The following LOXL3 variants were observed in gnomAD, a reference collection of about 807,000 sequenced individuals.
LOXL3 encodes the protein lysyl oxidase homolog 3.
Under a neutral mutation model 91.8 loss-of-function variants are expected in LOXL3, and 60 were observed. That is an observed-to-expected ratio of 0.65 (90% CI 0.53 to 0.81). LOXL3 has a LOEUF of 0.81. LOXL3 is among the 30% of genes least tolerant of loss of function. The pLI is 0.00. For synonymous variants in LOXL3, 355 were observed against 387.6 expected, an observed-to-expected ratio of 0.92 and a Z score of 0.99; for missense variants, 874 against 1,000.4, an observed-to-expected ratio of 0.87 and a Z score of 1.70.
chr2:74,555,177 G>C, upstream of LOXL3: 1 of 1,613,054 alleles, frequency 6.2e-7, no homozygotes. This position sits in a 1 kb window ranked among gnomAD's most constrained non-coding sequence, Gnocchi z 6.1. Flanking sequence ...CCTGGGCCGT[G>C]CTCTACCCGG....
At chr2:74,555,518 ACCGACCCCCGCTCCCCG>A (rs1324870596), upstream of LOXL3, 11 of 1,612,716 alleles carry the variant, frequency 6.8e-6, no homozygotes, top group Non-Finnish European at 9.3e-6. This position sits in a 1 kb window ranked among gnomAD's most constrained non-coding sequence, Gnocchi z 6.1. Context: ...GCTGCCTCAG[ACCGACCCCCGCTCCCCG>A]CTGAGGAAAT....
chr2:74,549,349 C>T lies in LOXL3; in HGVS notation c.692+20G>A. ...CACCCCAATCCCGGCCTGCTCCGCC[C>T]GGCGCCCGCGGCCCCTCACCTGTAG... On this transcript the variant is annotated intron_variant, in intron 4 of 13. Transcript: ENST00000264094. This position sits in a 1 kb window ranked among gnomAD's most constrained non-coding sequence, Gnocchi z 5.3. 5 of 1,551,550 alleles carry T rather than the reference C, an allele frequency of 3.2e-6. No individual in the cohort carries two copies. Among genetic ancestry groups the T allele is most frequent in the Non-Finnish European group, 4.4e-6 (5 of 1,145,996 alleles).
chr2:74,555,274 G>C, upstream of LOXL3: 1 of 1,614,086 alleles, frequency 6.2e-7, no homozygotes, highest in Non-Finnish European at 8.5e-7. This position sits in a 1 kb window ranked among gnomAD's most constrained non-coding sequence, Gnocchi z 6.1. Context: ...GCGCCGCCTG[G>C]ACTGCAAAGT....
chr2:74,550,477 A>G, intron 2 of LOXL3, 129 bp from the exon 3 acceptor site: 1 of 1,025,090 alleles, frequency 9.8e-7, no homozygotes, highest in Non-Finnish European at 1.4e-6. Context: ...CTGGTATGAT[A>G]AGGGGTGGAG....
upstream of LOXL3, chr2:74,554,652 G>C (rs1201451706): frequency 6.0e-6 from 7 of 1,175,054 alleles, no homozygotes; most frequent in Non-Finnish European, 8.4e-6. The surrounding 1 kb of genome is among the most constrained non-coding windows in gnomAD (Gnocchi z 4.9). Context: ...GGCTGCCGGC[G>C]GGGGCCGGGG....
At chr2:74,555,668 G>A, upstream of LOXL3, 1 of 1,613,934 alleles carries the variant, frequency 6.2e-7, no homozygotes, top group Non-Finnish European at 8.5e-7. This position sits in a 1 kb window ranked among gnomAD's most constrained non-coding sequence, Gnocchi z 6.1. Context: ...TACCTGGGAA[G>A]GTAGACGCCT....
Position 74,550,364 on chromosome 2 carries a change from T to C in LOXL3, c.314-16A>G. On this transcript the variant is annotated splice_polypyrimidine_tract_variant and intron_variant, in intron 2 of 13. Transcript: ENST00000264094. ...CAGATGCGGCCTGTGGAAGGGGAGA[T>C]GAAGGGACAGAGAAGCTTGGGGAGG... The C allele has an allele frequency of 6.2e-7, 1 of 1,610,480 alleles. No individual in the cohort carries two copies.
upstream of LOXL3, chr2:74,554,861 TGA>T (rs775106963): frequency 4.3e-6 from 7 of 1,609,362 alleles, no homozygotes; most frequent in Admixed American, 8.4e-5. The surrounding 1 kb of genome is among the most constrained non-coding windows in gnomAD (Gnocchi z 4.9). Context: ...TAGTAGTGGG[TGA>T]GAGAGCCCAG....
Position 74,534,618 on chromosome 2 carries a change from C to G in LOXL3, c.1736G>C (p.Arg579Pro). 1 of 1,614,188 alleles carries G rather than the reference C, an allele frequency of 6.2e-7. No homozygotes were observed. Among genetic ancestry groups the G allele is most frequent in the Non-Finnish European group, 8.5e-7 (1 of 1,180,028 alleles). ...CAGGTTGTGGATCTGGGAGGAGAATCGGAGCAGACGCCGGTGACCATAGGG... is the reference window on the plus strand; with the variant it reads ...CAGGTTGTGGATCTGGGAGGAGAATGGGAGCAGACGCCGGTGACCATAGGG... ...NWPYGHRRLL[R>P]FSSQIHNLGR... The change falls in exon 10 of 14, where the codon CGA becomes CCA. Residue 579 changes from arginine (R) to proline (P), a missense_variant. Coordinates refer to ENST00000264094, the MANE Select transcript of LOXL3 (RefSeq NM_032603.5).
At chr2:74,554,588 G>T (rs1025274440), upstream of LOXL3, 13 of 647,498 alleles carry the variant, frequency 2.0e-5, no homozygotes, top group Non-Finnish European at 3.2e-5. The surrounding 1 kb of genome is among the most constrained non-coding windows in gnomAD (Gnocchi z 4.9). Context: ...TAATCCGGGG[G>T]TCTCCACCAT....
Position 74,533,308 on chromosome 2 carries a change from G to A in LOXL3, c.*298C>T. 1.9e-6 allele frequency: 1 copy of A among 531,158 alleles called. No homozygotes were observed. Among genetic ancestry groups the A allele is most frequent in the Non-Finnish European group, 3.3e-6 (1 of 298,814 alleles). The allele number at this position is 531,158 out of a possible 1,614,324, so 32.9% of individuals were successfully genotyped here. The stretch of plus-strand genomic sequence containing the variant: ...ATCCTGACCTCCTATTAAAGAAAAT[G>A]AGCTGCTGCCATCTTTTGTGGGCAG... On this transcript the variant is annotated 3_prime_UTR_variant, in exon 14 of 14. Transcript: ENST00000264094.
chr2:74,548,782 G>A (rs1200716751), intron 4 of LOXL3, among the ~76,000 whole-genome samples: 1 of 152,034 alleles, frequency 6.6e-6, no homozygotes, highest in Admixed American at 6.5e-5. Context: ...GAGAGGTTGG[G>A]CCTCGCCAAA....
Position 74,535,908 on chromosome 2 carries a change from A to C in LOXL3, c.1248+88T>G. On this transcript the variant is annotated intron_variant, in intron 7 of 13. Transcript: ENST00000264094. This position sits in a 1 kb window ranked among gnomAD's most constrained non-coding sequence, Gnocchi z 4.2. ...TGCAGGAGGGCAGGGGCCTGGGGCA[A>C]TGGGCTGGGGGCCATTGGACTGTAG... is the stretch of plus-strand genomic sequence containing the variant. 6.7e-7 allele frequency: 1 copy of C among 1,495,282 alleles called. No individual in the cohort carries two copies. Among genetic ancestry groups the C allele is most frequent in the Non-Finnish European group, 8.9e-7 (1 of 1,123,602 alleles). 92.6% of individuals were successfully genotyped at this position (1,495,282 alleles called of 1,614,324 possible). A position where few individuals can be genotyped will look rare whatever the true frequency, so the allele number is the denominator to read the frequency against.
At chr2:74,546,693 TTTAC>T (rs1320527114) in intron 4 of LOXL3, among the ~76,000 whole-genome samples, 17 of 152,330 alleles carry the variant, frequency 1.1e-4, no homozygotes, top group Admixed American at 4.6e-4. Flanking sequence ...CACTTATTTA[TTTAC>T]TTACTTACTT....
rs1021909139 is a variant in LOXL3 at position 74,533,411 on chromosome 2, C to T, written c.*195G>A. 1 of 587,738 alleles carries T rather than the reference C, an allele frequency of 1.7e-6. No individual in the cohort carries two copies. The highest frequency in any genetic ancestry group is 2.0e-5 in the South Asian group (1 of 49,800). The allele number at this position is 587,738 out of a possible 1,614,324, so 36.4% of individuals were successfully genotyped here. ...GTGCTGGGCCTGGGAGCAAAGATTC[C>T]CATGCTTGGCTACAGATACTGACAG... On this transcript the variant is annotated 3_prime_UTR_variant, in exon 14 of 14. Coordinates refer to ENST00000264094, the MANE Select transcript of LOXL3 (RefSeq NM_032603.5).
At position 74,534,368 on chromosome 2, in the gene LOXL3, C is replaced by T; in HGVS notation, c.1887G>A (p.Val629=). Residue 629 remains valine (V), a synonymous_variant, in exon 11 of 14, where the codon GTG becomes GTA. Coordinates refer to ENST00000264094, the MANE Select transcript of LOXL3 (RefSeq NM_032603.5). ...YDILTPNGTK[V]AEGHKASFCL... is the part of the protein sequence containing the mutation. ...AGAAACTAGCTTTGTGGCCCTCAGC[C>T]ACCTTGGTGCCATTTGGGGTGAGGA... 2 of 1,614,270 alleles carry T rather than the reference C, an allele frequency of 1.2e-6. No individual in the cohort carries two copies. The highest frequency in any genetic ancestry group is 4.5e-5 in the East Asian group (2 of 44,894).
rs1425550515 is a variant in LOXL3 at position 74,533,283 on chromosome 2, A to G, written c.*323T>C. On this transcript the variant is annotated 3_prime_UTR_variant, in exon 14 of 14. Transcript: ENST00000264094. ...CTTAGGGGAGATACTGGAGCTGACC[A>G]TCCTGACCTCCTATTAAAGAAAATG... The G allele has an allele frequency of 5.6e-6, 3 of 535,670 alleles. No homozygotes were observed. The highest frequency in any genetic ancestry group is 1.0e-5 in the Non-Finnish European group (3 of 301,218). 33.2% of individuals were successfully genotyped at this position (535,670 alleles called of 1,614,324 possible).
chr2:74,547,515 C>T (rs1676667245), intron 4 of LOXL3, among the ~76,000 whole-genome samples: 1 of 152,224 alleles, frequency 6.6e-6, no homozygotes, highest in East Asian at 1.9e-4. Context: ...AGTAAAGAGG[C>T]ACAGCACGTT....
chr2:74,549,284 G>A lies in LOXL3; in HGVS notation c.692+85C>T. ...CGACCCCCGGGTCCTCCCGTGCCCC[G>A]GACCTGCTCAGATGTCTCCCAAGGC... On this transcript the variant is annotated intron_variant, in intron 4 of 13. Transcript: ENST00000264094. The surrounding 1 kb of genome is among the most constrained non-coding windows in gnomAD (Gnocchi z 5.3). The A allele has an allele frequency of 1.4e-6, 2 of 1,409,562 alleles. No homozygotes were observed. The highest frequency in any genetic ancestry group is 1.9e-6 in the Non-Finnish European group (2 of 1,071,918). The allele number at this position is 1,409,562 out of a possible 1,614,324, so 87.3% of individuals were successfully genotyped here.
Sources: allele counts gnomAD v4.1 joint callset (sites outside exome capture counted in the v4.1 genomes callset), GRCh38; gene constraint gnomAD v4.1.1; non-coding constraint Gnocchi (gnomAD v3.1); transcripts MANE v1.5; gene names NCBI Gene and HGNC (gene_info 2026-07-23, HGNC 2026-07-21).